PCDH15: variants seen among roughly 807,000 people sequenced by gnomAD.
The protein encoded by PCDH15 is protocadherin related 15.
A neutral mutation model predicts 178.5 loss-of-function variants in PCDH15; 129 were observed. The observed-to-expected ratio is 0.72, with a 90% CI of 0.63 to 0.84. The LOEUF is 0.84. PCDH15 is among the 40% of genes least tolerant of loss of function. The probability of loss-of-function intolerance (pLI) is 0.00; values close to 1 mark genes in which losing one functional copy is unlikely to be tolerated. For missense variants in PCDH15, 2,230 were observed against 2,099.9 expected (o/e 1.06, Z -1.21); for synonymous variants, 800 against 732.0 (o/e 1.09, Z -1.50).
intron 2 of PCDH15, among the ~76,000 whole-genome samples, chr10:55,043,071 T>C (rs879787079): frequency 1.8e-4 from 27 of 152,136 alleles, no homozygotes; most frequent in Non-Finnish European, 2.9e-4. Context: ...TAATCTAAAA[T>C]ACCATATGTG....
intron 2 of PCDH15, among the ~76,000 whole-genome samples, chr10:54,538,513 G>T (rs2084827539): frequency 6.6e-6 from 1 of 151,972 alleles, no homozygotes; most frequent in Non-Finnish European, 1.5e-5. Context: ...CAGTACTATA[G>T]CCTTAGAGTA....
chr10:55,274,952 T>C (rs989037117), intron 1 of PCDH15, among the ~76,000 whole-genome samples: 11 of 152,106 alleles, frequency 7.2e-5, no homozygotes, highest in Middle Eastern at 3.2e-3. Context: ...CACCTCCTGC[T>C]GTGCGACCCA....
At chr10:53,952,067 C>T (rs1408847188) in intron 23 of PCDH15, among the ~76,000 whole-genome samples, 1 of 152,164 alleles carries the variant, frequency 6.6e-6, no homozygotes, top group African/African-American at 2.4e-5. Flanking sequence ...AACCAGAGTC[C>T]CAAAGACGGT....
chr10:55,307,691 C>G (rs965489048), intron 1 of PCDH15, among the ~76,000 whole-genome samples: 1 of 151,552 alleles, frequency 6.6e-6, no homozygotes, highest in Non-Finnish European at 1.5e-5. Flanking sequence ...CACCTCCTAC[C>G]CATCTTCTGT....
chr10:55,519,088 C>T (rs1330152885), intron 2 of PCDH15, among the ~76,000 whole-genome samples: 3 of 77,314 alleles, frequency 3.9e-5, no homozygotes, highest in African/African-American at 6.2e-5. Context: ...AGTGAGATTT[C>T]GTCTCAAAAA....
chr10:54,957,157 T>C (rs939609437), intron 2 of PCDH15, among the ~76,000 whole-genome samples: 1 of 151,718 alleles, frequency 6.6e-6, no homozygotes, highest in Non-Finnish European at 1.5e-5. Context: ...ACTTGTGTTC[T>C]CTACTTCACA....
chr10:54,882,971 T>C (rs1021351008), intron 3 of PCDH15, among the ~76,000 whole-genome samples: 2 of 152,114 alleles, frequency 1.3e-5, no homozygotes, highest in East Asian at 1.9e-4. Flanking sequence ...CTAAGTTGAC[T>C]TTATTTGTAA....
At chr10:54,014,311 T>G (rs968951290) in intron 20 of PCDH15, among the ~76,000 whole-genome samples, 9 of 148,828 alleles carry the variant, frequency 6.0e-5, no homozygotes, top group African/African-American at 1.5e-4. Flanking sequence ...CAGGACCAGT[T>G]AGATTCACAG....
At chr10:54,576,024 T>C (rs2090438706) in intron 2 of PCDH15, among the ~76,000 whole-genome samples, 1 of 138,140 alleles carries the variant, frequency 7.2e-6, no homozygotes, top group Non-Finnish European at 1.6e-5. Flanking sequence ...GTTAGATACA[T>C]ATCTTTTACC....
chr10:54,503,124 T>A (rs1014238809), intron 3 of PCDH15, among the ~76,000 whole-genome samples: 4 of 151,258 alleles, frequency 2.6e-5, no homozygotes, highest in Non-Finnish European at 4.4e-5. Context: ...GCAATAGGTA[T>A]GCAGGGGATG....
chr10:55,467,966 C>CAAAAAAAAAAAAAAAAAAAAA lies in PCDH15; in HGVS notation c.-156+159638_-156+159658dup, dbSNP rs71463104. ...TGGGCGATAGAGCCAGACTCCGTCT[C>CAAAAAAAAAAAAAAAAAAAAA]AAAAAAAAAAAAAAAAAAAAAAAAA... On this transcript the variant is annotated intron_variant, in intron 2 of 5. Coordinates refer to the PCDH15 transcript ENST00000613346. Among the ~76,000 whole-genome samples, 81 of 36,618 alleles carry CAAAAAAAAAAAAAAAAAAAAA rather than the reference C, an allele frequency of 2.2e-3. 4 individuals are homozygous for CAAAAAAAAAAAAAAAAAAAAA. The highest frequency in any genetic ancestry group is 0.015 in the Middle Eastern group (1 of 66). The allele number at this position is 36,618 out of a possible 152,430, so 24.0% of individuals were successfully genotyped here. A position where few individuals can be genotyped will look rare whatever the true frequency, so the allele number is the denominator to read the frequency against.
At chr10:54,917,193 G>C (rs1044147657) in intron 2 of PCDH15, among the ~76,000 whole-genome samples, 2 of 152,154 alleles carry the variant, frequency 1.3e-5, no homozygotes, top group African/African-American at 4.8e-5. Flanking sequence ...TTAGATTTGT[G>C]TGGTGGGTAA....
At chr10:55,311,215 C>A (rs1025416428) in intron 1 of PCDH15, among the ~76,000 whole-genome samples, 7 of 152,090 alleles carry the variant, frequency 4.6e-5, no homozygotes, top group Non-Finnish European at 1.5e-5. Context: ...TTTGGTAATG[C>A]ATGCTAAAGT....
At chr10:55,535,041 G>T (rs1841540015) in intron 2 of PCDH15, among the ~76,000 whole-genome samples, 1 of 152,004 alleles carries the variant, frequency 6.6e-6, no homozygotes, top group Non-Finnish European at 1.5e-5. Flanking sequence ...AAAAACAGAT[G>T]CTGCGGACTA....
chr10:54,379,581 A>AT (rs71461235), intron 3 of PCDH15, among the ~76,000 whole-genome samples: 6 of 151,940 alleles, frequency 3.9e-5, no homozygotes, highest in African/African-American at 7.2e-5. Context: ...CTTTCTTATT[A>AT]TTTTTTTTCA....
chr10:54,088,281 A>G (rs1654302316), intron 16 of PCDH15, among the ~76,000 whole-genome samples: 1 of 152,158 alleles, frequency 6.6e-6, no homozygotes, highest in Non-Finnish European at 1.5e-5. Context: ...ACAGTTTTAA[A>G]TTGCATTTCT....
At chr10:54,087,683 C>T (rs952148995) in intron 16 of PCDH15, among the ~76,000 whole-genome samples, 2 of 152,132 alleles carry the variant, frequency 1.3e-5, no homozygotes, top group African/African-American at 4.8e-5. Flanking sequence ...CTGGCTTATG[C>T]GGTAATTCTG....
intron 2 of PCDH15, among the ~76,000 whole-genome samples, chr10:54,990,263 T>A (rs566539683): frequency 7.2e-5 from 11 of 152,358 alleles, no homozygotes; most frequent in Non-Finnish European, 1.5e-4. Flanking sequence ...TTTTTTTGTA[T>A]CAGCATTTCC....
chr10:55,461,963 G>A (rs1839688858), intron 2 of PCDH15, among the ~76,000 whole-genome samples: 1 of 151,986 alleles, frequency 6.6e-6, no homozygotes, highest in Non-Finnish European at 1.5e-5. Flanking sequence ...ACCAACTTTA[G>A]AGAATTCGGT....
Sources: gnomAD v4.1 joint callset for allele counts (sites outside exome capture counted in the v4.1 genomes callset) on GRCh38, gnomAD v4.1.1 for gene constraint, MANE v1.5 for transcripts, NCBI Gene and HGNC (gene_info 2026-07-23, HGNC 2026-07-21) for gene names.